SUPT3H: variants seen among roughly 807,000 people sequenced by gnomAD.
The protein encoded by SUPT3H is transcription initiation protein SPT3 homolog.
A neutral mutation model predicts 44.3 loss-of-function variants in SUPT3H; 44 were observed. That is an observed-to-expected ratio of 0.99 (90% CI 0.78 to 1.28). SUPT3H has a LOEUF of 1.28. SUPT3H is among the 50% of genes most tolerant of loss of function. The probability of loss-of-function intolerance (pLI) is 0.00; values close to 1 mark genes in which losing one functional copy is unlikely to be tolerated. For synonymous variants in SUPT3H, 124 were observed against 125.6 expected (o/e 0.99, Z 0.09); for missense variants, 380 against 387.1 (o/e 0.98, Z 0.15).
intron 2 of SUPT3H, among the ~76,000 whole-genome samples, chr6:45,319,209 A>G (rs1314973492): frequency 2.0e-5 from 3 of 152,090 alleles, no homozygotes; most frequent in Admixed American, 6.6e-5. Context: ...GTGTTTTATA[A>G]TTAAATAGGT....
chr6:44,979,518 G>C (rs2153488614), intron 6 of SUPT3H, among the ~76,000 whole-genome samples: 1 of 152,106 alleles, frequency 6.6e-6, no homozygotes, highest in Non-Finnish European at 1.5e-5. Context: ...TCAATTATCT[G>C]TGAAAGAATG....
chr6:44,987,186 T>C (rs958537650), intron 6 of SUPT3H, among the ~76,000 whole-genome samples: 20 of 151,092 alleles, frequency 1.3e-4, no homozygotes, highest in Non-Finnish European at 2.6e-4. Context: ...ATCATGAAAC[T>C]CTACTCTCAT....
rs1296640280 is a variant in SUPT3H, at chr6:45,328,473, T to C, written c.101+36728A>G. The C allele has an allele frequency of 2.0e-6, 3 of 1,487,134 alleles. No homozygotes were observed. In the South Asian group the frequency reaches 3.4e-5, roughly 17 times the overall value. The allele number at this position is 1,487,134 out of a possible 1,614,324, so 92.1% of individuals were successfully genotyped here. On this transcript the variant is annotated intron_variant, in intron 2 of 10. Coordinates refer to ENST00000371459, the MANE Select transcript of SUPT3H (RefSeq NM_003599.4). ...ACCAACAGAGTCAGTGAGTGCTCTC[T>C]AACCACAGTCTATGCAGTAATAGTA...
intron 6 of SUPT3H, among the ~76,000 whole-genome samples, chr6:44,999,666 T>G (rs1215282670): frequency 6.6e-6 from 1 of 152,024 alleles, no homozygotes; most frequent in Non-Finnish European, 1.5e-5. Context: ...AAAGTCTTTT[T>G]TTTCCCTTGA....
intron 6 of SUPT3H, among the ~76,000 whole-genome samples, chr6:44,974,865 C>T (rs912482308): frequency 1.3e-5 from 2 of 152,102 alleles, no homozygotes; most frequent in Non-Finnish European, 2.9e-5. Context: ...CCTACTGCTG[C>T]CAGAAATGTT....
At chr6:44,924,797 G>A (rs1769271216) in intron 10 of SUPT3H, among the ~76,000 whole-genome samples, 1 of 151,966 alleles carries the variant, frequency 6.6e-6, no homozygotes, top group Admixed American at 6.6e-5. Flanking sequence ...TTTCCAATCT[G>A]TAATAATAGA....
At chr6:44,907,550 C>G (rs1490557091) in intron 10 of SUPT3H, among the ~76,000 whole-genome samples, 1 of 152,076 alleles carries the variant, frequency 6.6e-6, no homozygotes, top group Non-Finnish European at 1.5e-5. Flanking sequence ...TGGTGGTACA[C>G]AACTGTAATC....
chr6:45,079,436 GGAAGAAGAAGGGGGAAGAGGAGGAA>G lies in SUPT3H; in HGVS notation c.186+26461_186+26485del, dbSNP rs1209904081. On this transcript the variant is annotated intron_variant, in intron 3 of 10. Coordinates refer to ENST00000371459, the MANE Select transcript of SUPT3H (RefSeq NM_003599.4). ...GAAGGAAGAAGAAGGGGGAAGAGGA[GGAAGAAGAAGGGGGAAGAGGAGGAA>G]GAAGAAGGGGAAAGGAGGAGGAAGG... Among the ~76,000 whole-genome samples, 10 of 149,614 alleles carry G rather than the reference GGAAGAAGAAGGGGGAAGAGGAGGAA, an allele frequency of 6.7e-5. No homozygotes were observed. The East Asian group carries it at 1.8e-3, about 26-fold the overall frequency.
In SUPT3H at chr6:45,236,026, G is replaced by A. The variant is rs1342780411; in HGVS notation, c.101+129175C>T. 1.9e-4 allele frequency among the ~76,000 whole-genome samples: 29 copies of A among 152,092 alleles called. 1 individual carries two copies. The highest frequency in any genetic ancestry group is 1.9e-3 in the Admixed American group (29 of 15,260). On this transcript the variant is annotated intron_variant, in intron 2 of 10. Coordinates refer to ENST00000371459, the MANE Select transcript of SUPT3H (RefSeq NM_003599.4). ...TGGCCCATCCCTTTTTTCCCGTAAG[G>A]AATACTTTTAGTTAATCTGTAATCT...
chr6:45,105,103 C>T (rs987107756), intron 3 of SUPT3H, among the ~76,000 whole-genome samples: 5 of 151,506 alleles, frequency 3.3e-5, no homozygotes, highest in African/African-American at 7.3e-5. Flanking sequence ...GAAACAGATA[C>T]CTATATATAT....
Position 44,961,830 on chromosome 6 carries a change from T to C in SUPT3H, c.505-2A>G, listed in dbSNP as rs1390317585. ...AATTCGAGTTTGTCTTTCTGCTCTC[T>C]AAAAGATAAAAATACATAACATTTT... On this transcript the variant is annotated splice_acceptor_variant, in intron 6 of 10. Transcript: ENST00000371459. LOFTEE classifies it high-confidence loss of function. 8 of 1,598,134 alleles carry C rather than the reference T, an allele frequency of 5.0e-6. No homozygotes were observed. Among genetic ancestry groups the C allele is most frequent in the Admixed American group, 1.8e-5 (1 of 56,908 alleles).
chr6:45,002,878 C>CA (rs11450244), intron 6 of SUPT3H, among the ~76,000 whole-genome samples: 149,082 of 152,178 alleles, frequency 0.98, 73,037 homozygotes, highest in Middle Eastern at 1. Flanking sequence ...GCACTTAGCA[C>CA]ATCTTTTGCA....
At chr6:44,937,586 C>T (rs1771669242) in intron 9 of SUPT3H, among the ~76,000 whole-genome samples, 2 of 152,040 alleles carry the variant, frequency 1.3e-5, no homozygotes, top group Admixed American at 1.3e-4. Context: ...CATATCCTCA[C>T]CAACATGTTA....
At chr6:45,119,738 T>C (rs1562495774) in intron 2 of SUPT3H, among the ~76,000 whole-genome samples, 1 of 152,110 alleles carries the variant, frequency 6.6e-6, no homozygotes, top group African/African-American at 2.4e-5. Context: ...CTAGAAAACT[T>C]AAGATTTTCA....
intron 2 of SUPT3H, among the ~76,000 whole-genome samples, chr6:45,266,614 C>T (rs1775306095): frequency 6.6e-6 from 1 of 151,932 alleles, no homozygotes; most frequent in South Asian, 2.1e-4. Context: ...TTGATGACAT[C>T]TATATCCCTA....
At chr6:44,953,028 T>C (rs1347320111) in intron 9 of SUPT3H, among the ~76,000 whole-genome samples, 1 of 152,078 alleles carries the variant, frequency 6.6e-6, no homozygotes, top group Non-Finnish European at 1.5e-5. Flanking sequence ...TCATCTCCCA[T>C]AAAAATAAGA....
chr6:45,305,924 C>T (rs1782916140), intron 2 of SUPT3H, among the ~76,000 whole-genome samples: 1 of 152,228 alleles, frequency 6.6e-6, no homozygotes, highest in Admixed American at 6.5e-5. Flanking sequence ...ACTCCAAGTA[C>T]CAAACCAGCT....
intron 3 of SUPT3H, among the ~76,000 whole-genome samples, chr6:45,056,812 T>A (rs1052416056): frequency 2.0e-5 from 3 of 152,024 alleles, no homozygotes; most frequent in Non-Finnish European, 4.4e-5. Context: ...AACTTATCCA[T>A]GTAAGCAAAC....
intron 4 of SUPT3H, among the ~76,000 whole-genome samples, chr6:45,019,402 G>C (rs938523141): frequency 6.6e-6 from 1 of 151,944 alleles, no homozygotes; most frequent in Non-Finnish European, 1.5e-5. Flanking sequence ...TTTTGAATGT[G>C]TTTGCTCTTG....
Sources: gnomAD v4.1 joint callset for allele counts (sites outside exome capture counted in the v4.1 genomes callset) on GRCh38, gnomAD v4.1.1 for gene constraint, MANE v1.5 for transcripts, NCBI Gene and HGNC (gene_info 2026-07-23, HGNC 2026-07-21) for gene names.